Variants in BROX observed in about 807,000 individuals in gnomAD.
BROX encodes the protein BRO1 domain-containing protein BROX.
Under a neutral mutation model 61.0 loss-of-function variants are expected in BROX, and 53 were observed. That is an observed-to-expected ratio of 0.87 (90% confidence interval 0.70 to 1.09). The LOEUF (loss-of-function observed/expected upper bound fraction) is 1.09, where lower values mean the gene tolerates loss of function less well. Among genes scored for constraint, BROX ranks in the 50% least tolerant of loss-of-function variants. The probability of loss-of-function intolerance (pLI) is 0.00; values close to 1 mark genes in which losing one functional copy is unlikely to be tolerated. For missense variants in BROX, 489 were observed against 472.0 expected (o/e 1.04, Z -0.33); for synonymous variants, 152 against 160.2 (o/e 0.95, Z 0.38).
In BROX at chr1:222,712,578, C is replaced by T. The variant is rs537232255; in HGVS notation, c.-381C>T. 131 of 1,370,308 alleles carry T rather than the reference C, an allele frequency of 9.6e-5. 1 individual carries two copies. In the African/African-American group the frequency reaches 1.7e-3, roughly 18 times the overall value. The allele number at this position is 1,370,308 out of a possible 1,614,324, so 84.9% of individuals were successfully genotyped here. ...GAGGCCGCCCCACTGCGCCGAGGGCCGCCATCGCTATTGCGGCATTCTCCC... is the reference window on the plus strand; with the variant it reads ...GAGGCCGCCCCACTGCGCCGAGGGCTGCCATCGCTATTGCGGCATTCTCCC... On this transcript the variant is annotated 5_prime_UTR_variant, in exon 1 of 13. Transcript: ENST00000340934.
At position 222,728,609 on chromosome 1, in the gene BROX, TA is replaced by T. The variant is rs542171399; in HGVS notation, c.671-125del. The T allele has an allele frequency of 2.2e-3, 1,087 of 499,572 alleles. 6 individuals are homozygous for T. Among genetic ancestry groups the T allele is most frequent in the African/African-American group, 0.018 (962 of 52,850 alleles). 30.9% of individuals were successfully genotyped at this position (499,572 alleles called of 1,614,324 possible). The stretch of plus-strand genomic sequence containing the variant: ...TGGTAAAATCAAGTAAAGGTGTTTT[TA>T]AAAAAAAATTAAATTCTTGAGTTTT... On this transcript the variant is annotated intron_variant, in intron 8 of 12. Coordinates refer to ENST00000340934, the MANE Select transcript of BROX (RefSeq NM_144695.4).
At chr1:222,713,036 T>A in intron 1 of BROX, 94 bp downstream of exon 1, 1 of 1,154,702 alleles carries the variant, frequency 8.7e-7, no homozygotes, top group Non-Finnish European at 1.1e-6. Flanking sequence ...TACATTAGTC[T>A]CCATAGACCC....
In BROX at chr1:222,732,634, C is replaced by T. The variant is rs2125047117; in HGVS notation, c.1156C>T (p.Pro386Ser). The change falls in exon 13 of 13, where the codon CCC (proline) becomes TCC (serine). Residue 386 changes from proline to serine, a missense_variant. Transcript: ENST00000340934. Reference protein sequence around the residue: ...TKRPKDDSTKPKPEEEVKPVK... With the variant: ...TKRPKDDSTKSKPEEEVKPVK... ...GTGGTTTTTTTCTCCCTAGACTAAA[C>T]CCAAACCAGAAGAAGAAGTGAAACC... is the stretch of plus-strand genomic sequence containing the variant. The T allele has an allele frequency of 6.2e-7, 1 of 1,612,970 alleles. No individual in the cohort carries two copies. Among genetic ancestry groups the T allele is most frequent in the Non-Finnish European group, 8.5e-7 (1 of 1,179,362 alleles).
At chr1:222,724,356 GT>G (rs1329596727) in intron 6 of BROX, among the ~76,000 whole-genome samples, 192 bp downstream of exon 6, 1 of 152,084 alleles carries the variant, frequency 6.6e-6, no homozygotes, top group Non-Finnish European at 1.5e-5. Flanking sequence ...CTCCATTTTT[GT>G]TTTAAAATCA....
rs147619457 is a variant in BROX, at chr1:222,727,173, A to T, written c.586A>T (p.Ile196Phe). 24 of 1,610,726 alleles carry T rather than the reference A, an allele frequency of 1.5e-5. No individual in the cohort carries two copies. Among genetic ancestry groups the T allele is most frequent in the Non-Finnish European group, 1.6e-5 (19 of 1,177,626 alleles). Residue 196 changes from isoleucine to phenylalanine, a missense_variant, in exon 8 of 13, where the codon ATT becomes TTT. Physicochemically the swap from Ile to Phe is conservative, Grantham distance 21. Transcript: ENST00000340934. ...QCQAEAQEVT[I>F]ARAIELKHAP... ...TTTATTGTGTTTGGTTACAGTAACA[A>T]TTGCTCGAGCAATTGAACTAAAACA...
rs1238301004 is a variant in BROX at position 222,714,251 on chromosome 1, G to A, written c.-17+1309G>A. Among the ~76,000 whole-genome samples, 10 of 133,900 alleles carry A rather than the reference G, an allele frequency of 7.5e-5. No homozygotes were observed. In the East Asian group the frequency reaches 1.5e-3, roughly 21 times the overall value. The allele number at this position is 133,900 out of a possible 152,430, so 87.8% of individuals were successfully genotyped here. A position where few individuals can be genotyped will look rare whatever the true frequency, so the allele number is the denominator to read the frequency against. ...TTTTGAGACGGAGTCTCCCTCTGTCGCCCAGGCTGGAGTGCAGTGGTGCCA... is the reference window on the plus strand; with the variant it reads ...TTTTGAGACGGAGTCTCCCTCTGTCACCCAGGCTGGAGTGCAGTGGTGCCA... On this transcript the variant is annotated intron_variant, in intron 1 of 12. Transcript: ENST00000340934.
At position 222,730,039 on chromosome 1, in the gene BROX, C is replaced by G; in HGVS notation, c.851C>G (p.Ala284Gly). 6.2e-7 allele frequency: 1 copy of G among 1,606,946 alleles called. No homozygotes were observed. The highest frequency in any genetic ancestry group is 1.1e-5 in the South Asian group (1 of 89,232). Residue 284 changes from alanine (A) to glycine (G), a missense_variant, in exon 11 of 13, where the codon GCA becomes GGA. Transcript: ENST00000340934. ...CTTTCACATGCAGTGTATGCAAAGGCAGAAGCACTGTGTAAAGAATATGGA... is the reference window on the plus strand; with the variant it reads ...CTTTCACATGCAGTGTATGCAAAGGGAGAAGCACTGTGTAAAGAATATGGA... Reference protein sequence around the residue: ...LQEAEKLYAKAEALCKEYGET... With the variant: ...LQEAEKLYAKGEALCKEYGET...
chr1:222,715,830 T>C (rs1656563990), intron 2 of BROX, 30 bp downstream of exon 2: 1 of 1,411,320 alleles, frequency 7.1e-7, no homozygotes, highest in Non-Finnish European at 9.8e-7. Flanking sequence ...CACTCTTAGA[T>C]GCAAGGTACT....
intron 2 of BROX, among the ~76,000 whole-genome samples, chr1:222,718,506 A>G (rs941661654): frequency 6.6e-6 from 1 of 152,038 alleles, no homozygotes; most frequent in Non-Finnish European, 1.5e-5. Flanking sequence ...ACACAGATAA[A>G]TTTTCATTTT....
rs1229673265 is a variant in BROX at position 222,732,620 on chromosome 1, C to T, written c.1150-8C>T. 6.3e-7 allele frequency: 1 copy of T among 1,599,576 alleles called. No individual in the cohort carries two copies. The highest frequency in any genetic ancestry group is 1.8e-5 in the Admixed American group (1 of 56,804). ...TATGTACTTAAACTGTGGTTTTTTT[C>T]TCCCTAGACTAAACCCAAACCAGAA... is the stretch of plus-strand genomic sequence containing the variant. On this transcript the variant is annotated splice_region_variant and splice_polypyrimidine_tract_variant and intron_variant, in intron 12 of 12. Transcript: ENST00000340934.
At chr1:222,729,911 C>T in intron 10 of BROX, 116 bp from the exon 11 acceptor site, 1 of 1,067,766 alleles carries the variant, frequency 9.4e-7, no homozygotes, top group East Asian at 2.4e-5. Context: ...ATTGGTATTG[C>T]TATTATATTA....
chr1:222,719,735 T>C (rs1307710724), intron 4 of BROX, among the ~76,000 whole-genome samples: 2 of 152,228 alleles, frequency 1.3e-5, no homozygotes, highest in Non-Finnish European at 2.9e-5. Flanking sequence ...GGATACTTCA[T>C]GTCTTCCATT....
intron 7 of BROX, among the ~76,000 whole-genome samples, chr1:222,726,272 T>G (rs903732787): frequency 6.6e-6 from 1 of 152,184 alleles, no homozygotes; most frequent in Non-Finnish European, 1.5e-5. Flanking sequence ...AACTCTAGTC[T>G]TCCTCTGAAA....
chr1:222,719,430 G>A (rs1319662384), intron 4 of BROX, 71 bp downstream of exon 4: 2 of 1,058,654 alleles, frequency 1.9e-6, no homozygotes, highest in Non-Finnish European at 2.9e-6. Context: ...TTAACTCATA[G>A]CCTTTGTATT....
chr1:222,713,324 G>A (rs1310102870), intron 1 of BROX: 29 of 985,680 alleles, frequency 2.9e-5, no homozygotes, highest in Non-Finnish European at 3.0e-5. Context: ...GCGCACGGTC[G>A]CCGCCCGCTG....
At chr1:222,731,780 TAA>T (rs1326621102) in intron 12 of BROX, among the ~76,000 whole-genome samples, 1 of 152,224 alleles carries the variant, frequency 6.6e-6, no homozygotes, top group African/African-American at 2.4e-5. Context: ...GTGCCTCCTT[TAA>T]GAAGAATGTG....
Position 222,727,213 on chromosome 1 carries a change from TTGC to T in BROX, c.630_632del (p.Ala211del). The T allele has an allele frequency of 6.2e-7, 1 of 1,613,770 alleles. No individual in the cohort carries two copies. The highest frequency in any genetic ancestry group is 8.5e-7 in the Non-Finnish European group (1 of 1,179,838). On this transcript the variant is annotated inframe_deletion, in exon 8 of 13. Transcript: ENST00000340934. Reference sequence around the variant, plus strand: ...GAACTAAAACATGCTCCTGGACTAATTGCTGCACTGGCGTATGAAACAGCCAAT... The same window carrying T: ...GAACTAAAACATGCTCCTGGACTAATTGCACTGGCGTATGAAACAGCCAAT...
At position 222,732,750 on chromosome 1, in the gene BROX, A is replaced by C. The variant is rs1658038104; in HGVS notation, c.*36A>C. 1 of 1,496,642 alleles carries C rather than the reference A, an allele frequency of 6.7e-7. No homozygotes were observed. Among genetic ancestry groups the C allele is most frequent in the African/African-American group, 1.4e-5 (1 of 71,460 alleles). The allele number at this position is 1,496,642 out of a possible 1,614,324, so 92.7% of individuals were successfully genotyped here. On this transcript the variant is annotated 3_prime_UTR_variant, in exon 13 of 13. Transcript: ENST00000340934. ...GCACTTAGAATTTCTCTAGCAGTAA[A>C]TAAGATAAACCACAGAATTTCAGTT...
intron 4 of BROX, among the ~76,000 whole-genome samples, chr1:222,720,552 C>CAAAG (rs1657003774): frequency 6.6e-6 from 1 of 152,140 alleles, no homozygotes; most frequent in Admixed American, 6.5e-5. Flanking sequence ...TGGCTCACGC[C>CAAAG]TGTAATCCCA....
Sources: allele counts gnomAD v4.1 joint callset (sites outside exome capture counted in the v4.1 genomes callset), GRCh38; gene constraint gnomAD v4.1.1; transcripts MANE v1.5; gene names NCBI Gene and HGNC (gene_info 2026-07-23, HGNC 2026-07-21).